RIMS2: variants seen among roughly 807,000 people sequenced by gnomAD.
RIMS2 encodes the protein regulating synaptic membrane exocytosis 2, also known as regulating synaptic membrane exocytosis protein 2.
RIMS2 carries 59 observed loss-of-function variants against 174.4 expected under a neutral mutation model. The observed-to-expected ratio is 0.34, with a 90% confidence interval of 0.27 to 0.42. The LOEUF is 0.42. Among genes scored for constraint, RIMS2 ranks in the 10% least tolerant of loss-of-function variants. RIMS2 has a pLI of 1.00. For missense variants in RIMS2, 1,620 were observed against 1,666.3 expected, an observed-to-expected ratio of 0.97 and a Z score of 0.48; for synonymous variants, 606 against 572.5, an observed-to-expected ratio of 1.06 and a Z score of -0.84.
intron 11 of RIMS2, among the ~76,000 whole-genome samples, chr8:103,930,059 A>G (rs986514795): frequency 2.6e-5 from 4 of 152,034 alleles, no homozygotes; most frequent in Non-Finnish European, 5.9e-5. Flanking sequence ...ATTAATCACA[A>G]TTTGAGAAAT....
intron 2 of RIMS2, among the ~76,000 whole-genome samples, chr8:103,757,632 T>C (rs1406242360): frequency 6.6e-6 from 1 of 152,220 alleles, no homozygotes; most frequent in Admixed American, 6.5e-5. Context: ...GAATGTTATC[T>C]TATATGGCCC....
chr8:103,523,096 GTGTGTGTGTGCA>G (rs968602792), intron 1 of RIMS2, among the ~76,000 whole-genome samples: 57 of 151,976 alleles, frequency 3.8e-4, no homozygotes, highest in East Asian at 9.7e-4. Context: ...GTGTGTTTAT[GTGTGTGTGTGCA>G]TGTGTGTGTG....
intron 14 of RIMS2, among the ~76,000 whole-genome samples, chr8:103,960,674 A>G (rs1206411666): frequency 6.6e-6 from 1 of 152,160 alleles, no homozygotes; most frequent in African/African-American, 2.4e-5. Flanking sequence ...TGTGTTTTGA[A>G]ATTTATCTGG....
intron 1 of RIMS2, among the ~76,000 whole-genome samples, chr8:103,532,034 T>C (rs34539120): frequency 6.6e-6 from 1 of 152,350 alleles, no homozygotes; most frequent in East Asian, 1.9e-4. Flanking sequence ...ATAACTATTG[T>C]GTACTTCTAG....
chr8:103,572,915 A>T (rs746955136), intron 1 of RIMS2, among the ~76,000 whole-genome samples: 1 of 152,130 alleles, frequency 6.6e-6, no homozygotes, highest in South Asian at 2.1e-4. Flanking sequence ...ATTAGGTCCC[A>T]GTTGTCAATT....
At chr8:103,683,743 T>G (rs1319745674) in intron 1 of RIMS2, among the ~76,000 whole-genome samples, 2 of 152,148 alleles carry the variant, frequency 1.3e-5, no homozygotes, top group African/African-American at 2.4e-5. Context: ...TTTCTACACT[T>G]GGAAAGATGA....
At chr8:103,891,310 TACTC>T (rs1335912265) in intron 4 of RIMS2, among the ~76,000 whole-genome samples, 1 of 152,134 alleles carries the variant, frequency 6.6e-6, no homozygotes, top group African/African-American at 2.4e-5. Flanking sequence ...GTTTTAAAGT[TACTC>T]ACTTATATTA....
rs879524910 is a variant in RIMS2 at position 103,537,845 on chromosome 8, A to AT, written c.176+36793dup. On this transcript the variant is annotated intron_variant, in intron 1 of 23. Transcript: ENST00000504942. ...TGGAAAGGTTAGTTTTCTATGGCAT[A>AT]TTTTTTTTTTCTGCCAAATGAGAAT... is the stretch of plus-strand genomic sequence containing the variant. Among the ~76,000 whole-genome samples, 76 of 148,898 alleles carry AT rather than the reference A, an allele frequency of 5.1e-4. 1 individual carries two copies. Among genetic ancestry groups the AT allele is most frequent in the South Asian group, 5.1e-3 (24 of 4,714 alleles).
At chr8:103,968,693 A>T (rs2092461066) in intron 15 of RIMS2, among the ~76,000 whole-genome samples, 1 of 152,026 alleles carries the variant, frequency 6.6e-6, no homozygotes, top group Non-Finnish European at 1.5e-5. Context: ...TACATAATTG[A>T]ATACATTGTT....
intron 1 of RIMS2, among the ~76,000 whole-genome samples, chr8:103,519,884 G>T (rs536246250): frequency 6.6e-6 from 1 of 151,754 alleles, no homozygotes; most frequent in Non-Finnish European, 1.5e-5. Flanking sequence ...AGAGCTTAGG[G>T]GAATTTCTGT....
chr8:103,890,344 C>A (rs2154521293), intron 4 of RIMS2, among the ~76,000 whole-genome samples: 1 of 152,060 alleles, frequency 6.6e-6, no homozygotes, highest in East Asian at 1.9e-4. Flanking sequence ...CCAATTTACT[C>A]ATTTTTCTGC....
At chr8:103,604,010 C>A (rs1197645503) in intron 1 of RIMS2, among the ~76,000 whole-genome samples, 3 of 149,232 alleles carry the variant, frequency 2.0e-5, no homozygotes, top group African/African-American at 7.4e-5. Flanking sequence ...TAATTAGATC[C>A]CATTTGTCTA....
chr8:103,644,024 T>C (rs2096278861), intron 1 of RIMS2, among the ~76,000 whole-genome samples: 1 of 152,046 alleles, frequency 6.6e-6, no homozygotes, highest in Non-Finnish European at 1.5e-5. Flanking sequence ...AAATGGTTAC[T>C]TTCCTTCTCC....
At chr8:104,164,170 A>G (rs1208704086) in intron 19 of RIMS2, among the ~76,000 whole-genome samples, 5 of 94,928 alleles carry the variant, frequency 5.3e-5, no homozygotes, top group Non-Finnish European at 8.0e-5. Context: ...GCCAGCAGTC[A>G]TTTTATCCTG....
rs184632741 is a variant in RIMS2, at chr8:104,217,355, A to T, written c.3335-27561A>T. Among the ~76,000 whole-genome samples the T allele has an allele frequency of 2.0e-3, 298 of 151,852 alleles. 2 individuals carry two copies. Among genetic ancestry groups the T allele is most frequent in the Non-Finnish European group, 1.3e-3 (88 of 67,952 alleles). ...ATGAACATGGCTCACTGCAACTTTG[A>T]CCTCTAGGGCCTAAGTGATCCTCCC... On this transcript the variant is annotated intron_variant, in intron 19 of 23. Coordinates refer to ENST00000504942, the Ensembl canonical transcript of RIMS2.
intron 3 of RIMS2, chr8:103,880,607 G>C: frequency 2.1e-6 from 1 of 468,600 alleles, no homozygotes. Flanking sequence ...AGGATTAAAT[G>C]AAAGCACTGC....
chr8:104,067,987 CT>C (rs2097134293), intron 19 of RIMS2, among the ~76,000 whole-genome samples: 1 of 152,090 alleles, frequency 6.6e-6, no homozygotes, highest in South Asian at 2.1e-4. Flanking sequence ...GATCCTAGTT[CT>C]AGAAAATTCA....
chr8:104,225,172 C>A (rs928637217), intron 19 of RIMS2, among the ~76,000 whole-genome samples: 1 of 152,104 alleles, frequency 6.6e-6, no homozygotes, highest in Non-Finnish European at 1.5e-5. Context: ...TTCTTTTAGG[C>A]CCACAACAAC....
At chr8:103,652,704 C>A in intron 1 of RIMS2, 1 of 1,346,530 alleles carries the variant, frequency 7.4e-7, no homozygotes, top group African/African-American at 1.5e-5. Flanking sequence ...GAAAAGGAGC[C>A]CCAGACGTAA....
Sources: gnomAD v4.1 joint callset for allele counts (sites outside exome capture counted in the v4.1 genomes callset) on GRCh38, gnomAD v4.1.1 for gene constraint, MANE v1.5 for transcripts, NCBI Gene and HGNC (gene_info 2026-07-23, HGNC 2026-07-21) for gene names.